RDH12: variants seen among roughly 807,000 people sequenced by gnomAD.
The protein encoded by RDH12 is all-trans and 9-cis retinol dehydrogenase.
In RDH12, 21 loss-of-function variants were observed where a neutral mutation model predicts 34.0. That is an observed-to-expected ratio of 0.62 (90% CI 0.44 to 0.89). The LOEUF (loss-of-function observed/expected upper bound fraction) is 0.89, where lower values mean the gene tolerates loss of function less well. Ranked by LOEUF, RDH12 falls within the 40% of genes least tolerant of loss-of-function variation. The pLI is 0.00. For synonymous variants in RDH12, 198 were observed against 169.9 expected, an observed-to-expected ratio of 1.17 and a Z score of -1.29; for missense variants, 394 against 398.6, an observed-to-expected ratio of 0.99 and a Z score of 0.10.
intron 3 of RDH12, among the ~76,000 whole-genome samples, chr14:67,724,107 A>G (rs1241260056): frequency 2.7e-5 from 4 of 148,916 alleles, no homozygotes; most frequent in African/African-American, 9.7e-5. Context: ...TATCATGCAT[A>G]TGTTTTGAAT....
intron 8 of RDH12, among the ~76,000 whole-genome samples, chr14:67,731,207 CTTTTTTTTTT>C (rs71129853): frequency 2.2e-4 from 20 of 90,624 alleles, no homozygotes; most frequent in Admixed American, 1.8e-3. Context: ...TTCTTTCTTT[CTTTTTTTTTT>C]TTTTTTTTTT....
intron 8 of RDH12, among the ~76,000 whole-genome samples, chr14:67,732,446 T>C (rs1238532372): frequency 5.7e-5 from 6 of 104,842 alleles, no homozygotes; most frequent in Admixed American, 5.2e-4. Context: ...AAAAAAAAAA[T>C]CCTCCTCAAA....
chr14:67,707,669 G>A (rs778126542), intron 1 of RDH12, among the ~76,000 whole-genome samples: 3 of 152,100 alleles, frequency 2.0e-5, no homozygotes, highest in Admixed American at 6.6e-5. Context: ...TTTTACATAG[G>A]CTTTTAAATT....
At chr14:67,715,465 T>A (rs568617225) in intron 1 of RDH12, among the ~76,000 whole-genome samples, 97 of 152,388 alleles carry the variant, frequency 6.4e-4, no homozygotes, top group Admixed American at 1.2e-3. Context: ...CTGTAAGCCC[T>A]TGAGTTGGCA....
chr14:67,725,699 T>C (rs2038176873), intron 5 of RDH12, among the ~76,000 whole-genome samples: 1 of 152,200 alleles, frequency 6.6e-6, no homozygotes, highest in South Asian at 2.1e-4. Context: ...TACCACTGGA[T>C]TCCTAGTGCC....
chr14:67,707,174 G>C (rs955110719), intron 1 of RDH12, among the ~76,000 whole-genome samples: 5 of 152,002 alleles, frequency 3.3e-5, no homozygotes, highest in Non-Finnish European at 7.4e-5. Context: ...GAAAAATGGG[G>C]AAAAAAGAAG....
intron 2 of RDH12, among the ~76,000 whole-genome samples, chr14:67,721,485 G>C (rs1448318838): frequency 6.6e-6 from 1 of 151,980 alleles, no homozygotes; most frequent in Non-Finnish European, 1.5e-5. Context: ...GGCCTCAAGG[G>C]ATCCCCCTAC....
Position 67,724,577 on chromosome 14 carries a change from A to G in RDH12, c.173A>G (p.Glu58Gly). Residue 58 changes from glutamate (E) to glycine (G), a missense_variant, in exon 4 of 9, where the codon GAG becomes GGG. Transcript: ENST00000551171. Reference sequence around the variant, plus strand: ...GGCATTGGCAAGGAGACGGCCAGAGAGCTCGCTAGCCGAGGTAAGTGTTTC... The same window carrying G: ...GGCATTGGCAAGGAGACGGCCAGAGGGCTCGCTAGCCGAGGTAAGTGTTTC... ...NTGIGKETAR[E>G]LASRGARVYI... The G allele has an allele frequency of 6.2e-7, 1 of 1,613,104 alleles. No individual in the cohort carries two copies. The highest frequency in any genetic ancestry group is 8.5e-7 in the Non-Finnish European group (1 of 1,179,224).
intron 3 of RDH12, among the ~76,000 whole-genome samples, chr14:67,723,366 T>C (rs1256441998): frequency 6.6e-6 from 1 of 152,162 alleles, no homozygotes; most frequent in Non-Finnish European, 1.5e-5. Context: ...CCCAAGTAGT[T>C]GGGAATATAG....
rs766547426 is a variant in RDH12, at chr14:67,729,243, G to A, written c.711G>A (p.Leu237=). 2.9e-5 allele frequency: 47 copies of A among 1,610,282 alleles called. No individual in the cohort carries two copies. The highest frequency in any genetic ancestry group is 2.2e-5 in the East Asian group (1 of 44,892). Residue 237 remains leucine, a synonymous_variant, in exon 8 of 9, where the codon CTG becomes CTA. Transcript: ENST00000551171. ...ACCCAGGCGTCGTCCGCTCTGAGCT[G>A]GTCCGGCACTCCTCCCTGCTCTGCC... ...AVHPGVVRSE[L]VRHSSLLCLL...
At position 67,729,294 on chromosome 14, in the gene RDH12, T is replaced by C. The variant is rs1468221103; in HGVS notation, c.762T>C (p.Phe254=). ...TGCTCTGGCGGCTCTTCTCCCCCTT[T>C]GTCAAGACGGCACGGGAGGGGGCGC... ...LCLLWRLFSP[F]VKTAREGAQT... Residue 254 remains phenylalanine (F), a synonymous_variant, in exon 8 of 9, where the codon TTT becomes TTC. Transcript: ENST00000551171. 1 of 1,603,612 alleles carries C rather than the reference T, an allele frequency of 6.2e-7. No individual in the cohort carries two copies.
chr14:67,724,355 T>G (rs964488739), intron 3 of RDH12, 118 bp from the exon 4 acceptor site: 1 of 810,176 alleles, frequency 1.2e-6, no homozygotes, highest in African/African-American at 1.7e-5. Flanking sequence ...GTCTCCTGAC[T>G]GCAACTTAAA....
At chr14:67,704,085 T>C (rs1261581816) in intron 1 of RDH12, among the ~76,000 whole-genome samples, 3 of 152,256 alleles carry the variant, frequency 2.0e-5, no homozygotes, top group East Asian at 1.9e-4. Context: ...ATTTTCATTC[T>C]GCAGTTGTTT....
Position 67,722,663 on chromosome 14 carries a change from G to A in RDH12, c.21G>A (p.Leu7=). MLVTLG[L]LTSFFSFLYM... ...GAACGATGCTGGTCACCTTGGGACT[G>A]CTCACCTCCTTCTTCTCGTTCCTGT... Residue 7 remains leucine, a synonymous_variant, in exon 3 of 9, where the codon CTG becomes CTA. Transcript: ENST00000551171. 3 of 1,613,924 alleles carry A rather than the reference G, an allele frequency of 1.9e-6. No homozygotes were observed. Among genetic ancestry groups the A allele is most frequent in the Middle Eastern group, 1.7e-4 (1 of 6,056 alleles).
chr14:67,707,775 A>G (rs2037966215), intron 1 of RDH12, among the ~76,000 whole-genome samples: 1 of 152,222 alleles, frequency 6.6e-6, no homozygotes, highest in Non-Finnish European at 1.5e-5. Flanking sequence ...ATACCTATGA[A>G]TTGAGTTAAC....
intron 8 of RDH12, among the ~76,000 whole-genome samples, chr14:67,731,213 T>A (rs1425610380): frequency 1.4e-5 from 2 of 139,414 alleles, no homozygotes; most frequent in Admixed American, 7.1e-5. Flanking sequence ...CTTTCTTTTT[T>A]TTTTTTTTTT....
intron 7 of RDH12, among the ~76,000 whole-genome samples, chr14:67,728,707 G>GGGT (rs1555390969): frequency 1.7e-4 from 25 of 151,328 alleles, no homozygotes; most frequent in Non-Finnish European, 4.4e-5. Flanking sequence ...ATCTTGTGGG[G>GGGT]GGGGGGTGTT....
In RDH12 at chr14:67,734,047, C is replaced by T. The variant is rs920761838; in HGVS notation, c.*199C>T. ...ACTGGCTTATGGCATGAGTTGTGGA[C>T]ACCTATAGAGTGTTCTTCTCTAAGA... On this transcript the variant is annotated 3_prime_UTR_variant, in exon 9 of 9. Transcript: ENST00000551171. The T allele has an allele frequency of 4.0e-6, 2 of 505,818 alleles. No homozygotes were observed. The highest frequency in any genetic ancestry group is 4.2e-5 in the East Asian group (1 of 23,900). The allele number at this position is 505,818 out of a possible 1,614,324, so 31.3% of individuals were successfully genotyped here. A position where few individuals can be genotyped will look rare whatever the true frequency, so the allele number is the denominator to read the frequency against.
At chr14:67,730,171 CA>C (rs1178320338) in intron 8 of RDH12, among the ~76,000 whole-genome samples, 1 of 152,170 alleles carries the variant, frequency 6.6e-6, no homozygotes, top group Admixed American at 6.5e-5. Flanking sequence ...AATATTACCC[CA>C]AGTTTTCACA....
Sources: allele counts gnomAD v4.1 joint callset (sites outside exome capture counted in the v4.1 genomes callset), GRCh38; gene constraint gnomAD v4.1.1; transcripts MANE v1.5; gene names NCBI Gene and HGNC (gene_info 2026-07-23, HGNC 2026-07-21).